GALNT16: variants seen among roughly 807,000 people sequenced by gnomAD.
GALNT16 encodes polypeptide N-acetylgalactosaminyltransferase 16.
A neutral mutation model predicts 76.1 loss-of-function variants in GALNT16; 40 were observed. The observed-to-expected ratio is 0.53, with a 90% CI of 0.41 to 0.68. The LOEUF is 0.68. Ranked by LOEUF, GALNT16 falls within the 30% of genes least tolerant of loss-of-function variation. GALNT16 has a pLI of 0.00. For synonymous variants in GALNT16, 276 were observed against 285.2 expected, an observed-to-expected ratio of 0.97 and a Z score of 0.32; for missense variants, 621 against 731.9, an observed-to-expected ratio of 0.85 and a Z score of 1.75.
intron 1 of GALNT16, among the ~76,000 whole-genome samples, chr14:69,316,110 T>C (rs2045096173): frequency 6.6e-6 from 1 of 152,118 alleles, no homozygotes; most frequent in Admixed American, 6.5e-5. Flanking sequence ...TGGTGGTGCT[T>C]GGGGTGTTGG....
At chr14:69,309,617 T>A (rs2044986555) in intron 1 of GALNT16, among the ~76,000 whole-genome samples, 2 of 152,228 alleles carry the variant, frequency 1.3e-5, no homozygotes, top group South Asian at 2.1e-4. Flanking sequence ...GCCACACATT[T>A]CATTTTTCTA....
chr14:69,340,636 C>T (rs1156929698), intron 11 of GALNT16, among the ~76,000 whole-genome samples: 1 of 152,132 alleles, frequency 6.6e-6, no homozygotes, highest in Admixed American at 6.5e-5. Context: ...AGGCACGTGC[C>T]ACCATGCCCA....
Position 69,316,783 on chromosome 14 carries a change from G to GT in GALNT16, c.178-3928_178-3927insT, listed in dbSNP as rs1555399671. Among the ~76,000 whole-genome samples the GT allele has an allele frequency of 2.5e-4, 18 of 72,036 alleles. 1 individual carries two copies. Among genetic ancestry groups the GT allele is most frequent in the Admixed American group, 7.1e-4 (5 of 7,006 alleles). The allele number at this position is 72,036 out of a possible 152,430, so 47.3% of individuals were successfully genotyped here. A position where few individuals can be genotyped will look rare whatever the true frequency, so the allele number is the denominator to read the frequency against. On this transcript the variant is annotated intron_variant, in intron 1 of 14. Coordinates refer to ENST00000448469, the MANE Select transcript of GALNT16 (RefSeq NM_001168368.2). Reference sequence around the variant, plus strand: ...GGGGGCTTGTAGTCTGTGAGGGGGGGGGGCACTGAAGGTCACGTGATGTAT... The same window carrying GT: ...GGGGGCTTGTAGTCTGTGAGGGGGGGTGGGCACTGAAGGTCACGTGATGTAT...
downstream of GALNT16, among the ~76,000 whole-genome samples, chr14:69,360,982 C>T (rs972574996): frequency 3.3e-5 from 5 of 152,206 alleles, no homozygotes; most frequent in East Asian, 1.9e-4. Flanking sequence ...CACTCTGAGG[C>T]GGAGGGAGAG....
the GALNT16 span, among the ~76,000 whole-genome samples, chr14:69,371,987 C>T: frequency 6.6e-6 from 1 of 152,040 alleles, no homozygotes; most frequent in African/African-American, 2.4e-5. Flanking sequence ...AGTTATCATT[C>T]ACCTGGCTCT....
chr14:69,386,177 T>C, the GALNT16 span, among the ~76,000 whole-genome samples: 2 of 152,122 alleles, frequency 1.3e-5, no homozygotes, highest in Non-Finnish European at 2.9e-5. Flanking sequence ...GAAATGCGTG[T>C]TTTGGAACTT....
intron 1 of GALNT16, among the ~76,000 whole-genome samples, chr14:69,310,438 C>A (rs2045001433): frequency 6.6e-6 from 1 of 152,084 alleles, no homozygotes; most frequent in African/African-American, 2.4e-5. Context: ...ATCACTGAAT[C>A]TTTTCCAAGC....
intron 1 of GALNT16, among the ~76,000 whole-genome samples, chr14:69,260,813 G>A (rs1270107387): frequency 6.6e-6 from 1 of 151,944 alleles, no homozygotes; most frequent in Non-Finnish European, 1.5e-5. Context: ...GTGTGCCCCG[G>A]AAGGCTGCCG....
At chr14:69,345,218 G>A (rs958166581) in intron 12 of GALNT16, among the ~76,000 whole-genome samples, 5 of 152,158 alleles carry the variant, frequency 3.3e-5, no homozygotes, top group African/African-American at 7.2e-5. Context: ...CAACCACCAC[G>A]CTATGCAGGT....
chr14:69,280,681 C>T (rs1217596989), intron 1 of GALNT16, among the ~76,000 whole-genome samples: 5 of 152,156 alleles, frequency 3.3e-5, no homozygotes, highest in African/African-American at 1.2e-4. Flanking sequence ...GTGCCCACCC[C>T]TAGAAAGTAT....
At position 69,261,274 on chromosome 14, in the gene GALNT16, G is replaced by A. The variant is rs988457978; in HGVS notation, c.177+807G>A. Among the ~76,000 whole-genome samples the A allele has an allele frequency of 6.6e-6, 1 of 152,144 alleles. No individual in the cohort carries two copies. The highest frequency in any genetic ancestry group is 2.4e-5 in the African/African-American group (1 of 41,444). On this transcript the variant is annotated intron_variant, in intron 1 of 14. Coordinates refer to ENST00000448469, the MANE Select transcript of GALNT16 (RefSeq NM_001168368.2). The surrounding 1 kb of genome is among the most constrained non-coding windows in gnomAD (Gnocchi z 6.4). ...CTGGGGACCCGGGCGGGGGCGTGCG[G>A]AGCCGCAGCCGCCCTGCAGGGGGCG...
At chr14:69,342,308 C>T (rs966144956) in intron 12 of GALNT16, among the ~76,000 whole-genome samples, 1 of 151,442 alleles carries the variant, frequency 6.6e-6, no homozygotes, top group South Asian at 2.1e-4. Flanking sequence ...ATTAGCTGGG[C>T]GTGGTGGCAC....
downstream of GALNT16, chr14:69,359,012 C>T (rs993244595): frequency 1.3e-5 from 2 of 152,304 alleles, no homozygotes; most frequent in Non-Finnish European, 2.9e-5. Flanking sequence ...ACAAGTGCTG[C>T]TTCTGCAAGG....
intron 1 of GALNT16, among the ~76,000 whole-genome samples, chr14:69,276,986 G>A (rs974234486): frequency 1.4e-4 from 22 of 152,138 alleles, no homozygotes; most frequent in Non-Finnish European, 2.8e-4. Context: ...AGTGATTCTC[G>A]ATTCTTCTGA....
At position 69,325,325 on chromosome 14, in the gene GALNT16, C is replaced by T; in HGVS notation, c.435-12C>T. ...AATCCAGGCTCTTTCTCTGTTTCCA[C>T]TGCTACTGTAGTGTCCTGAACCGAA... is the stretch of plus-strand genomic sequence containing the variant. On this transcript the variant is annotated splice_polypyrimidine_tract_variant and intron_variant, in intron 3 of 14. Transcript: ENST00000448469. 1 of 1,550,928 alleles carries T rather than the reference C, an allele frequency of 6.4e-7. No homozygotes were observed. Among genetic ancestry groups the T allele is most frequent in the Non-Finnish European group, 8.9e-7 (1 of 1,122,142 alleles).
chr14:69,319,484 G>T (rs1262047219), intron 1 of GALNT16, among the ~76,000 whole-genome samples: 1 of 152,228 alleles, frequency 6.6e-6, no homozygotes, highest in Non-Finnish European at 1.5e-5. Context: ...TTCCTCTGGG[G>T]CCCCAGCTTC....
intron 1 of GALNT16, among the ~76,000 whole-genome samples, chr14:69,294,873 C>T (rs1211703340): frequency 3.9e-5 from 6 of 152,126 alleles, no homozygotes; most frequent in South Asian, 4.1e-4. Flanking sequence ...CACAGGACAC[C>T]GCGCTGGCTC....
intron 1 of GALNT16, among the ~76,000 whole-genome samples, chr14:69,274,890 G>T (rs2044451575): frequency 6.6e-6 from 1 of 152,176 alleles, no homozygotes; most frequent in Admixed American, 6.5e-5. Flanking sequence ...CTGACTCAGA[G>T]ATGGCAGGTT....
At chr14:69,339,385 C>A in intron 10 of GALNT16, 142 bp from the exon 11 acceptor site, 1 of 665,314 alleles carries the variant, frequency 1.5e-6, no homozygotes, top group African/African-American at 1.8e-5. Context: ...CCAAAAGGAC[C>A]GTGCTAATCT....
Sources: allele counts gnomAD v4.1 joint callset (sites outside exome capture counted in the v4.1 genomes callset), GRCh38; gene constraint gnomAD v4.1.1; non-coding constraint Gnocchi (gnomAD v3.1); transcripts MANE v1.5; gene names NCBI Gene and HGNC (gene_info 2026-07-23, HGNC 2026-07-21).